RASSF9: variants seen among roughly 807,000 people sequenced by gnomAD.
RASSF9 encodes the protein Ras association domain family member 9.
Under a neutral mutation model 21.4 loss-of-function variants are expected in RASSF9, and 18 were observed. That is an observed-to-expected ratio of 0.84 (90% CI 0.58 to 1.25). RASSF9 has a LOEUF of 1.25. RASSF9 is among the 50% of genes most tolerant of loss of function. RASSF9 has a pLI of 0.00. For synonymous variants in RASSF9, 183 were observed against 179.1 expected, an observed-to-expected ratio of 1.02 and a Z score of -0.18; for missense variants, 480 against 503.2, an observed-to-expected ratio of 0.95 and a Z score of 0.44.
At chr12:85,822,990 G>T (rs1174094855) in intron 1 of RASSF9, among the ~76,000 whole-genome samples, 1 of 152,092 alleles carries the variant, frequency 6.6e-6, no homozygotes, top group East Asian at 1.9e-4. Flanking sequence ...CACGAGGTCA[G>T]GAGATCGAGA....
intron 1 of RASSF9, among the ~76,000 whole-genome samples, chr12:85,814,643 C>A (rs1354943047): frequency 6.7e-6 from 1 of 149,488 alleles, no homozygotes; most frequent in African/African-American, 2.5e-5. Context: ...TTCTATTTAA[C>A]AAAATATGAA....
At chr12:85,830,551 C>T (rs976279592) in intron 1 of RASSF9, among the ~76,000 whole-genome samples, 2 of 152,052 alleles carry the variant, frequency 1.3e-5, no homozygotes, top group African/African-American at 2.4e-5. Flanking sequence ...CTGATTGGAC[C>T]TATACTCAAT....
rs1193138686 is a variant in RASSF9, at chr12:85,803,453, C to T, written c.*1249G>A. Reference sequence around the variant, plus strand: ...TATGATTGCATCATGTGTTCATTGGCAGGAAGGAAGCAAAGGAAAAAAAGA... The same window carrying T: ...TATGATTGCATCATGTGTTCATTGGTAGGAAGGAAGCAAAGGAAAAAAAGA... On this transcript the variant is annotated 3_prime_UTR_variant, in exon 2 of 2. Transcript: ENST00000361228. 1.3e-5 allele frequency: 2 copies of T among 151,060 alleles called. No individual in the cohort carries two copies. Among genetic ancestry groups the T allele is most frequent in the Non-Finnish European group, 2.9e-5 (2 of 67,856 alleles). 9.4% of individuals were successfully genotyped at this position (151,060 alleles called of 1,614,324 possible). A position where few individuals can be genotyped will look rare whatever the true frequency, so the allele number is the denominator to read the frequency against.
chr12:85,805,866 G>A lies in RASSF9; in HGVS notation c.144C>T (p.Thr48=). 2 of 1,613,900 alleles carry A rather than the reference G, an allele frequency of 1.2e-6. No homozygotes were observed. Among genetic ancestry groups the A allele is most frequent in the Non-Finnish European group, 1.7e-6 (2 of 1,179,850 alleles). The change falls in exon 2 of 2, where the codon ACC becomes ACT. Residue 48 remains threonine (T), a synonymous_variant. Transcript: ENST00000361228. ...KLVCGLTKRT[T]SADVIQALLE... Reference sequence around the variant, plus strand: ...GCAAAGCCTGGATGACATCAGCAGAGGTGGTGCGTTTAGTCAGCCCACAGA... The same window carrying A: ...GCAAAGCCTGGATGACATCAGCAGAAGTGGTGCGTTTAGTCAGCCCACAGA...
chr12:85,829,751 G>A (rs763068613), intron 1 of RASSF9, among the ~76,000 whole-genome samples: 1 of 151,870 alleles, frequency 6.6e-6, no homozygotes, highest in African/African-American at 2.4e-5. Context: ...TTTCTACATA[G>A]AGTTAATCAA....
chr12:85,809,665 AATAATGATGATGATGATG>A (rs1565752345), intron 1 of RASSF9, among the ~76,000 whole-genome samples: 1 of 133,676 alleles, frequency 7.5e-6, no homozygotes, highest in Non-Finnish European at 1.6e-5. Context: ...GTAGAATAGT[AATAATGATGATGATGATG>A]ATGATGATGA....
At chr12:85,834,625 AG>A (rs941112136) in intron 1 of RASSF9, among the ~76,000 whole-genome samples, 1 of 152,284 alleles carries the variant, frequency 6.6e-6, no homozygotes, top group African/African-American at 2.4e-5. Flanking sequence ...ACAAACAAAC[AG>A]AAAGCCCTGA....
rs187999458 is a variant in RASSF9, at chr12:85,803,908, A to T, written c.*794T>A. The T allele has an allele frequency of 6.6e-6, 1 of 152,342 alleles. No individual in the cohort carries two copies. Among genetic ancestry groups the T allele is most frequent in the East Asian group, 1.9e-4 (1 of 5,188 alleles). 9.4% of individuals were successfully genotyped at this position (152,342 alleles called of 1,614,324 possible). On this transcript the variant is annotated 3_prime_UTR_variant, in exon 2 of 2. Transcript: ENST00000361228. ...AACTTTTGTAGATAGGACATAAACA[A>T]ATAACACTATGACTGATTTTCTCTG...
At chr12:85,827,912 T>A (rs1880366524) in intron 1 of RASSF9, among the ~76,000 whole-genome samples, 1 of 152,226 alleles carries the variant, frequency 6.6e-6, no homozygotes, top group Non-Finnish European at 1.5e-5. Context: ...GCATTATACA[T>A]TCGATCAGAG....
chr12:85,809,325 G>T (rs1879901167), intron 1 of RASSF9, among the ~76,000 whole-genome samples: 1 of 152,030 alleles, frequency 6.6e-6, no homozygotes, highest in Non-Finnish European at 1.5e-5. Flanking sequence ...GATACCAATG[G>T]AATGAACCAC....
rs765152187 is a variant in RASSF9, at chr12:85,805,346, G to A, written c.664C>T (p.Arg222Ter). Residue 222 changes from arginine to a stop codon, truncating the protein, a stop_gained, in exon 2 of 2, where the codon CGA (arginine) becomes TGA (stop). Transcript: ENST00000361228. LOFTEE classifies it high-confidence loss of function. ...EKCEAKFHLD[R>*]VENDGENYVQ... ...TAGTTTTCTCCATCATTTTCTACTC[G>A]ATCAAGATGGAACTTAGCTTCACAC... 8.1e-6 allele frequency: 13 copies of A among 1,613,332 alleles called. No individual in the cohort carries two copies. Among genetic ancestry groups the A allele is most frequent in the South Asian group, 3.3e-5 (3 of 91,054 alleles).
intron 1 of RASSF9, among the ~76,000 whole-genome samples, chr12:85,807,744 C>T (rs1879866408): frequency 6.6e-6 from 1 of 152,034 alleles, no homozygotes; most frequent in African/African-American, 2.4e-5. Flanking sequence ...AAAAACACTT[C>T]AGTTCTCTGG....
At chr12:85,808,329 T>A (rs1484812170) in intron 1 of RASSF9, among the ~76,000 whole-genome samples, 2 of 152,070 alleles carry the variant, frequency 1.3e-5, no homozygotes, top group Non-Finnish European at 2.9e-5. Context: ...AAGTAAAATG[T>A]TATAGTTTAT....
chr12:85,804,727 C>T lies in RASSF9; in HGVS notation c.1283G>A (p.Gly428Glu). Residue 428 changes from glycine to glutamate, a missense_variant, in exon 2 of 2, where the codon GGA becomes GAA. Physicochemically the swap from Gly to Glu is moderately conservative, Grantham distance 98 (BLOSUM62 -2). Coordinates refer to ENST00000361228, the MANE Select transcript of RASSF9 (RefSeq NM_005447.4). ...CTATGTTGACAACAGCACCACATCT[C>T]CTACTGTTGTTTCGGAGTCCTGACT... ...NHSQDSETTV[G>E]DVVLLST 1 of 1,607,858 alleles carries T rather than the reference C, an allele frequency of 6.2e-7. No homozygotes were observed. The highest frequency in any genetic ancestry group is 8.5e-7 in the Non-Finnish European group (1 of 1,175,036).
intron 1 of RASSF9, among the ~76,000 whole-genome samples, chr12:85,820,126 AT>A (rs1880174988): frequency 6.6e-6 from 1 of 152,334 alleles, no homozygotes; most frequent in African/African-American, 2.4e-5. Context: ...TGTGTTTTAC[AT>A]TTTTAAATGT....
rs1233981093 is a variant in RASSF9, at chr12:85,802,828, A to G, written c.*1874T>C. On this transcript the variant is annotated 3_prime_UTR_variant, in exon 2 of 2. Transcript: ENST00000361228. ...GTGGCTTATATTGTTGAATAATTTT[A>G]TGGACTCTTAGTCAGGTGAACTTTC... 1 of 152,182 alleles carries G rather than the reference A, an allele frequency of 6.6e-6. No individual in the cohort carries two copies. The highest frequency in any genetic ancestry group is 1.5e-5 in the Non-Finnish European group (1 of 68,000). The allele number at this position is 152,182 out of a possible 1,614,324, so 9.4% of individuals were successfully genotyped here. A position where few individuals can be genotyped will look rare whatever the true frequency, so the allele number is the denominator to read the frequency against.
At position 85,804,217 on chromosome 12, in the gene RASSF9, T is replaced by G. The variant is rs1420938663; in HGVS notation, c.*485A>C. On this transcript the variant is annotated 3_prime_UTR_variant, in exon 2 of 2. Transcript: ENST00000361228. ...ATACGTTGTATTATCAAGGATCAAT[T>G]AAAAGAACCAAACTTTGAATTAATG... 1 of 153,678 alleles carries G rather than the reference T, an allele frequency of 6.5e-6. No individual in the cohort carries two copies. The highest frequency in any genetic ancestry group is 1.4e-5 in the Non-Finnish European group (1 of 69,066). The allele number at this position is 153,678 out of a possible 1,614,324, so 9.5% of individuals were successfully genotyped here.
In RASSF9 at chr12:85,804,435, A is replaced by C; in HGVS notation, c.*267T>G. Reference sequence around the variant, plus strand: ...CACAGACGCTAAGGAAGATTATCATATGATTCCCATCAAATTATTTCTGTG... The same window carrying C: ...CACAGACGCTAAGGAAGATTATCATCTGATTCCCATCAAATTATTTCTGTG... On this transcript the variant is annotated 3_prime_UTR_variant, in exon 2 of 2. Coordinates refer to ENST00000361228, the MANE Select transcript of RASSF9 (RefSeq NM_005447.4). 2.8e-6 allele frequency: 1 copy of C among 355,034 alleles called. No individual in the cohort carries two copies. The highest frequency in any genetic ancestry group is 2.1e-5 in the African/African-American group (1 of 47,984). 22.0% of individuals were successfully genotyped at this position (355,034 alleles called of 1,614,324 possible).
At chr12:85,829,365 T>C (rs950206772) in intron 1 of RASSF9, among the ~76,000 whole-genome samples, 5 of 152,118 alleles carry the variant, frequency 3.3e-5, no homozygotes, top group African/African-American at 1.2e-4. Flanking sequence ...CACGGACCAA[T>C]TTAATGTGAT....
Sources: allele counts gnomAD v4.1 joint callset (sites outside exome capture counted in the v4.1 genomes callset), GRCh38; gene constraint gnomAD v4.1.1; transcripts MANE v1.5; gene names NCBI Gene and HGNC (gene_info 2026-07-23, HGNC 2026-07-21).